Variants in CPNE8 observed in about 807,000 individuals in gnomAD.
The protein encoded by CPNE8 is copine 8, also known as copine-8.
A neutral mutation model predicts 81.5 loss-of-function variants in CPNE8; 45 were observed. The observed-to-expected ratio is 0.55, with a 90% CI of 0.44 to 0.71. The LOEUF (loss-of-function observed/expected upper bound fraction) is 0.71, where lower values mean the gene tolerates loss of function less well. Ranked by LOEUF, CPNE8 falls within the 30% of genes least tolerant of loss-of-function variation. The pLI is 0.00. For missense variants in CPNE8, 594 were observed against 672.1 expected (o/e 0.88, Z 1.28); for synonymous variants, 252 against 226.3 (o/e 1.11, Z -1.02).
At chr12:38,823,675 C>A (rs552914333) in intron 6 of CPNE8, among the ~76,000 whole-genome samples, 1 of 152,234 alleles carries the variant, frequency 6.6e-6, no homozygotes, top group South Asian at 2.1e-4. Context: ...TCATGCCTGG[C>A]TGAGAGTAAC....
chr12:38,764,064 T>C (rs1941626017), intron 8 of CPNE8, among the ~76,000 whole-genome samples: 1 of 152,168 alleles, frequency 6.6e-6, no homozygotes, highest in African/African-American at 2.4e-5. Flanking sequence ...CTAAGGAAAC[T>C]CGTGTCATTA....
At chr12:38,682,655 C>T (rs980270627) in intron 16 of CPNE8, among the ~76,000 whole-genome samples, 2 of 152,136 alleles carry the variant, frequency 1.3e-5, no homozygotes, top group Non-Finnish European at 2.9e-5. Flanking sequence ...TATATATGTG[C>T]ATGTATATGA....
chr12:38,688,610 T>TGC (rs1444404087), intron 15 of CPNE8, among the ~76,000 whole-genome samples: 4 of 151,752 alleles, frequency 2.6e-5, no homozygotes, highest in African/African-American at 9.7e-5. Flanking sequence ...TGTGTGTGTG[T>TGC]GTGTGTGTGT....
At chr12:38,699,083 A>C (rs1939867965) in intron 14 of CPNE8, among the ~76,000 whole-genome samples, 1 of 152,216 alleles carries the variant, frequency 6.6e-6, no homozygotes, top group African/African-American at 2.4e-5. Flanking sequence ...GGAGTTTTCT[A>C]ATCCAAAAGC....
At chr12:38,906,504 G>A (rs1944573678), upstream of CPNE8, 6 of 985,676 alleles carry the variant, frequency 6.1e-6, no homozygotes, top group African/African-American at 1.0e-4. Context: ...GTTCTGACCT[G>A]AAAATGGGGG....
chr12:38,682,118 G>A (rs1442540428), intron 16 of CPNE8, among the ~76,000 whole-genome samples: 1 of 152,158 alleles, frequency 6.6e-6, no homozygotes, highest in African/African-American at 2.4e-5. Flanking sequence ...TACTCGGGAG[G>A]CTGAGGCACA....
chr12:38,788,857 T>TA (rs1555159398), intron 6 of CPNE8, among the ~76,000 whole-genome samples: 1 of 151,712 alleles, frequency 6.6e-6, no homozygotes, highest in Non-Finnish European at 1.5e-5. Context: ...CTATTTACAG[T>TA]AGCCACAAAA....
chr12:38,657,651 G>C (rs1046885812), intron 19 of CPNE8, among the ~76,000 whole-genome samples: 8 of 152,098 alleles, frequency 5.3e-5, no homozygotes, highest in Non-Finnish European at 1.0e-4. Flanking sequence ...TCATACAGCT[G>C]GGTGCCCCTC....
rs146454622 is a variant in CPNE8, at chr12:38,767,514, T to C, written c.575+121A>G. ...TTTTGAGATGCAAAAATCATATCAATTTTTAAAATCTCAAACTATTTTACT... is the reference window on the plus strand; with the variant it reads ...TTTTGAGATGCAAAAATCATATCAACTTTTAAAATCTCAAACTATTTTACT... On this transcript the variant is annotated intron_variant, in intron 8 of 19. Coordinates refer to ENST00000331366, the MANE Select transcript of CPNE8 (RefSeq NM_153634.3). 2,093 of 583,876 alleles carry C rather than the reference T, an allele frequency of 3.6e-3. 45 individuals are homozygous for C. The African/African-American group carries it at 0.036, about 10-fold the overall frequency. The allele number at this position is 583,876 out of a possible 1,614,324, so 36.2% of individuals were successfully genotyped here.
chr12:38,905,633 G>T (rs996090510), upstream of CPNE8: 9 of 1,510,940 alleles, frequency 6.0e-6, no homozygotes, highest in Middle Eastern at 2.3e-4. Context: ...GTTGAGGGTG[G>T]AGGCAGAAGA....
chr12:38,674,138 G>C (rs796139979), intron 18 of CPNE8, among the ~76,000 whole-genome samples: 12 of 152,124 alleles, frequency 7.9e-5, no homozygotes, highest in African/African-American at 2.6e-4. Flanking sequence ...CTAAAGAAAC[G>C]AAGAAAATAA....
At chr12:38,665,584 G>A (rs1055486916) in intron 19 of CPNE8, among the ~76,000 whole-genome samples, 4 of 152,104 alleles carry the variant, frequency 2.6e-5, no homozygotes, top group Admixed American at 2.0e-4. Flanking sequence ...ACTGTGCAGA[G>A]CTCCATTAGT....
chr12:38,746,024 C>T (rs1941219456), intron 10 of CPNE8, among the ~76,000 whole-genome samples: 3 of 152,126 alleles, frequency 2.0e-5, no homozygotes, highest in Admixed American at 1.3e-4. Context: ...TCATGCATAC[C>T]TCCAGTTAAA....
intron 16 of CPNE8, among the ~76,000 whole-genome samples, chr12:38,681,094 T>C (rs923703442): frequency 2.0e-5 from 3 of 152,004 alleles, no homozygotes; most frequent in African/African-American, 2.4e-5. Context: ...GAAAAGATAC[T>C]TGAAATTTTC....
At chr12:38,877,952 AG>A (rs1442506232) in intron 1 of CPNE8, among the ~76,000 whole-genome samples, 1 of 152,194 alleles carries the variant, frequency 6.6e-6, no homozygotes, top group Non-Finnish European at 1.5e-5. Flanking sequence ...CTGATAAAAC[AG>A]GTTGCAGTAA....
At position 38,767,716 on chromosome 12, in the gene CPNE8, C is replaced by A. The variant is rs751832751; in HGVS notation, c.494G>T (p.Cys165Phe). Residue 165 changes from cysteine (C) to phenylalanine (F), a missense_variant, in exon 8 of 20, where the codon TGT becomes TTT. By Grantham distance (205) the Cys-to-Phe change is radical. Transcript: ENST00000331366. The part of the protein sequence containing the change: ...CCRDAVLMQF[C>F]ANKLDKKDFF... ...GTCCTTCTTGTCCAATTTGTTCGCA[C>A]AAAATTGCATCAAAACGGCATCCTA... The A allele has an allele frequency of 1.9e-6, 3 of 1,552,538 alleles. No individual in the cohort carries two copies. The highest frequency in any genetic ancestry group is 2.6e-6 in the Non-Finnish European group (3 of 1,154,926).
intron 6 of CPNE8, among the ~76,000 whole-genome samples, chr12:38,785,089 G>A (rs1011350099): frequency 2.0e-5 from 3 of 151,536 alleles, no homozygotes; most frequent in African/African-American, 4.9e-5. Context: ...CAGCTATTCA[G>A]AAGGCTGAGG....
intron 6 of CPNE8, among the ~76,000 whole-genome samples, chr12:38,791,124 A>G (rs925711722): frequency 4.0e-5 from 6 of 151,630 alleles, no homozygotes; most frequent in Non-Finnish European, 7.4e-5. Context: ...ATAATTTTAA[A>G]CTTATTAAAT....
chr12:38,881,907 A>AG (rs1944163895), intron 1 of CPNE8, among the ~76,000 whole-genome samples: 1 of 152,070 alleles, frequency 6.6e-6, no homozygotes, highest in Non-Finnish European at 1.5e-5. Context: ...AAAAAAATGG[A>AG]GAAAAAAAAG....
Sources: gnomAD v4.1 joint callset for allele counts (sites outside exome capture counted in the v4.1 genomes callset) on GRCh38, gnomAD v4.1.1 for gene constraint, MANE v1.5 for transcripts, NCBI Gene and HGNC (gene_info 2026-07-23, HGNC 2026-07-21) for gene names.